SCN8A: variants seen among roughly 807,000 people sequenced by gnomAD.
SCN8A encodes sodium channel protein type 8 subunit alpha.
SCN8A carries 30 observed loss-of-function variants against 184.1 expected under a neutral mutation model. The observed-to-expected ratio is 0.16, with a 90% confidence interval of 0.12 to 0.22. SCN8A has a LOEUF of 0.22. SCN8A is among the 10% of genes least tolerant of loss of function. The pLI is 1.00. For synonymous variants in SCN8A, 852 were observed against 907.0 expected, an observed-to-expected ratio of 0.94 and a Z score of 1.09; for missense variants, 1,057 against 2,498.9, an observed-to-expected ratio of 0.42 and a Z score of 12.30.
chr12:51,639,930 C>T (rs1034643721), intron 1 of SCN8A, among the ~76,000 whole-genome samples: 1 of 68,712 alleles, frequency 1.5e-5, no homozygotes, highest in Non-Finnish European at 2.6e-5. Flanking sequence ...GATGGGGTCT[C>T]AGCTTGTTGC....
chr12:51,620,974 G>T (rs907762438), intron 1 of SCN8A, among the ~76,000 whole-genome samples: 1 of 152,140 alleles, frequency 6.6e-6, no homozygotes, highest in South Asian at 2.1e-4. Flanking sequence ...GTGACAGAGT[G>T]AGACCCTGTC....
chr12:51,656,965 C>G (rs1303467203), intron 1 of SCN8A, among the ~76,000 whole-genome samples: 1 of 151,994 alleles, frequency 6.6e-6, no homozygotes, highest in Non-Finnish European at 1.5e-5. Context: ...TTTGGCAGTT[C>G]CTCAAAAAAG....
chr12:51,753,213 A>G (rs1310169245), intron 14 of SCN8A, among the ~76,000 whole-genome samples: 1 of 152,328 alleles, frequency 6.6e-6, no homozygotes, highest in East Asian at 1.9e-4. Flanking sequence ...CCAACCCAGA[A>G]CCAAGTTCTA....
intron 2 of SCN8A, among the ~76,000 whole-genome samples, chr12:51,677,726 C>T (rs574670492): frequency 3.9e-5 from 6 of 152,182 alleles, no homozygotes; most frequent in South Asian, 2.1e-4. Flanking sequence ...TTTTATGCCA[C>T]ATGACACATT....
At chr12:51,775,121 T>G (rs1036700226) in intron 20 of SCN8A, among the ~76,000 whole-genome samples, 2 of 152,226 alleles carry the variant, frequency 1.3e-5, no homozygotes, top group Non-Finnish European at 2.9e-5. Context: ...AACTAAAGCT[T>G]CTTTCTTTCA....
chr12:51,687,595 T>G (rs1243654722), intron 5 of SCN8A, among the ~76,000 whole-genome samples: 1 of 152,168 alleles, frequency 6.6e-6, no homozygotes, highest in Non-Finnish European at 1.5e-5. Flanking sequence ...CAGCTGAAAA[T>G]TAGTTTCCTG....
At position 51,721,602 on chromosome 12, in the gene SCN8A, C is replaced by T. The variant is rs368959256; in HGVS notation, c.1692C>T (p.Ser564=). ...TCTCCCGCCACAACAGCAAGAGCAG[C>T]ATCTTCAGTTTCAGGGGACCTGGGC... ...PFLSRHNSKS[S]IFSFRGPGRF... The change falls in exon 12 of 27, where the codon AGC becomes AGT. Residue 564 remains serine (S), a synonymous_variant. Coordinates refer to ENST00000627620, the MANE Select transcript of SCN8A (RefSeq NM_001330260.2). The T allele has an allele frequency of 8.1e-6, 13 of 1,613,264 alleles. No individual in the cohort carries two copies. The highest frequency in any genetic ancestry group is 9.3e-6 in the Non-Finnish European group (11 of 1,179,652).
chr12:51,679,025 G>A (rs1941276547), intron 2 of SCN8A, among the ~76,000 whole-genome samples: 2 of 151,522 alleles, frequency 1.3e-5, no homozygotes, highest in South Asian at 2.1e-4. Context: ...GCAGTGAGCC[G>A]AGATCACACC....
chr12:51,596,029 C>T (rs1051768938), intron 1 of SCN8A, among the ~76,000 whole-genome samples: 2 of 152,198 alleles, frequency 1.3e-5, no homozygotes, highest in African/African-American at 4.8e-5. Flanking sequence ...AATGCTTTGG[C>T]ACTCTCCAGC....
In SCN8A at chr12:51,607,184, A is replaced by G. The variant is rs1443979965; in HGVS notation, c.-55+15825A>G. ...AGTTCTGGGATTACAGGCGTGAGCC[A>G]CCTTGCCTGGCCGGGGTTTAGTTCT... On this transcript the variant is annotated intron_variant, in intron 1 of 26. Transcript: ENST00000627620. 2.6e-5 allele frequency among the ~76,000 whole-genome samples: 4 copies of G among 152,142 alleles called. No homozygotes were observed. The East Asian group carries it at 7.7e-4, about 29-fold the overall frequency.
At chr12:51,697,328 T>C (rs575006033) in intron 6 of SCN8A, among the ~76,000 whole-genome samples, 1 of 152,178 alleles carries the variant, frequency 6.6e-6, no homozygotes, top group South Asian at 2.1e-4. Flanking sequence ...TCCTCTTAGA[T>C]CCCTTTTAAG....
chr12:51,798,853 A>T (rs1277453354), intron 26 of SCN8A, among the ~76,000 whole-genome samples: 5 of 152,216 alleles, frequency 3.3e-5, no homozygotes, highest in Non-Finnish European at 7.3e-5. Context: ...GTCACCAATC[A>T]TGCTTCTTTG....
rs189088148 is a variant in SCN8A, at chr12:51,745,861, A to C, written c.1999-42A>C. The C allele has an allele frequency of 5.9e-4, 883 of 1,499,528 alleles. 7 individuals are homozygous for C. In the Admixed American group the frequency reaches 0.017, roughly 28 times the overall value. The allele number at this position is 1,499,528 out of a possible 1,614,324, so 92.9% of individuals were successfully genotyped here. On this transcript the variant is annotated intron_variant, in intron 12 of 26. Coordinates refer to ENST00000627620, the MANE Select transcript of SCN8A (RefSeq NM_001330260.2). The stretch of plus-strand genomic sequence containing the variant: ...GTAAGGCCCAGATTTACCTTTATAG[A>C]CTTAACTCACTCTATTTGCTTTTCT...
chr12:51,684,161 T>C lies in SCN8A; in HGVS notation c.277-13T>C. On this transcript the variant is annotated splice_polypyrimidine_tract_variant and intron_variant, in intron 2 of 26. Transcript: ENST00000627620. ...CATGCTTTAATAATTTCTCTCTCTT[T>C]CTTTCTCCACAGACCTTTGTAGTAT... 2 of 1,292,830 alleles carry C rather than the reference T, an allele frequency of 1.5e-6. No individual in the cohort carries two copies. Among genetic ancestry groups the C allele is most frequent in the Non-Finnish European group, 2.3e-6 (2 of 887,112 alleles). The allele number at this position is 1,292,830 out of a possible 1,614,324, so 80.1% of individuals were successfully genotyped here. A position where few individuals can be genotyped will look rare whatever the true frequency, so the allele number is the denominator to read the frequency against.
At chr12:51,672,034 C>G (rs568684778) in intron 2 of SCN8A, among the ~76,000 whole-genome samples, 1 of 152,286 alleles carries the variant, frequency 6.6e-6, no homozygotes, top group South Asian at 2.1e-4. Flanking sequence ...TCTACCTCCT[C>G]TGGAATTTCA....
chr12:51,666,503 A>C (rs537264029), intron 2 of SCN8A, among the ~76,000 whole-genome samples: 2 of 152,250 alleles, frequency 1.3e-5, no homozygotes, highest in African/African-American at 4.8e-5. Context: ...TCAAAAAGTC[A>C]TAAGGGTAGA....
Position 51,705,512 on chromosome 12 carries a change from G to A in SCN8A, c.1230G>A (p.Val410=), listed in dbSNP as rs1905244. Reference sequence around the variant, plus strand: ...TGGTGAACTTGATCTTGGCTGTGGTGGCCATGGCTTATGAAGAACAGAATC... The same window carrying A: ...TGGTGAACTTGATCTTGGCTGTGGTAGCCATGGCTTATGAAGAACAGAATC... ...FYLVNLILAV[V]AMAYEEQNQA... is the part of the protein sequence containing the mutation. Residue 410 remains valine, a synonymous_variant, in exon 10 of 27, where the codon GTG becomes GTA. Transcript: ENST00000627620. 3.0e-5 allele frequency: 48 copies of A among 1,613,918 alleles called. No individual in the cohort carries two copies. The highest frequency in any genetic ancestry group is 3.8e-5 in the Non-Finnish European group (45 of 1,179,946).
intron 12 of SCN8A, among the ~76,000 whole-genome samples, chr12:51,725,174 T>C (rs977217207): frequency 6.6e-6 from 1 of 152,328 alleles, no homozygotes; most frequent in East Asian, 1.9e-4. Flanking sequence ...TTTATTTATG[T>C]ATTTATTTAT....
chr12:51,625,118 A>G (rs955150987), intron 1 of SCN8A, among the ~76,000 whole-genome samples: 5 of 152,226 alleles, frequency 3.3e-5, no homozygotes. Flanking sequence ...AGAGTAACGT[A>G]TGTTCCACCC....
Sources: allele counts gnomAD v4.1 joint callset (sites outside exome capture counted in the v4.1 genomes callset), GRCh38; gene constraint gnomAD v4.1.1; transcripts MANE v1.5; gene names NCBI Gene and HGNC (gene_info 2026-07-23, HGNC 2026-07-21).